ISM2: variants seen among roughly 807,000 people sequenced by gnomAD.
ISM2 encodes isthmin-2.
A neutral mutation model predicts 58.0 loss-of-function variants in ISM2; 50 were observed. The ratio of observed to expected loss-of-function variants is 0.86; its 90% CI spans 0.69 to 1.09. The LOEUF is 1.09. Among genes scored for constraint, ISM2 ranks in the 50% least tolerant of loss-of-function variants. The pLI is 0.00. For missense variants in ISM2, 723 were observed against 745.0 expected (o/e 0.97, Z 0.34); for synonymous variants, 303 against 312.4 (o/e 0.97, Z 0.32).
At chr14:77,478,745 T>G (rs1566753210) in intron 4 of ISM2, 30 bp from the exon 5 acceptor site, 3 of 1,594,406 alleles carry the variant, frequency 1.9e-6, no homozygotes, top group Non-Finnish European at 2.6e-6. Context: ...TGGGGGTGAG[T>G]GCATATAGCT....
intron 1 of ISM2, among the ~76,000 whole-genome samples, chr14:77,497,006 TCTCA>T (rs1032327941): frequency 4.0e-5 from 6 of 151,450 alleles, no homozygotes; most frequent in Admixed American, 6.6e-5. Context: ...GCTCTCACTC[TCTCA>T]CTCACTCACT....
intron 4 of ISM2, among the ~76,000 whole-genome samples, chr14:77,481,644 T>C (rs2079132588): frequency 6.6e-6 from 1 of 152,102 alleles, no homozygotes; most frequent in African/African-American, 2.4e-5. Flanking sequence ...GGAGTCAAAG[T>C]CACACACACA....
intron 1 of ISM2, among the ~76,000 whole-genome samples, chr14:77,492,694 TTTAA>T (rs1761515353): frequency 6.6e-6 from 1 of 152,024 alleles, no homozygotes; most frequent in Admixed American, 6.6e-5. Flanking sequence ...GCCTCTTTTA[TTTAA>T]TTAATTTATT....
Position 77,475,554 on chromosome 14 carries a change from G to A in ISM2, c.*41C>T, listed in dbSNP as rs762990002. On this transcript the variant is annotated 3_prime_UTR_variant, in exon 7 of 7. Transcript: ENST00000342219. This position sits in a 1 kb window ranked among gnomAD's most constrained non-coding sequence, Gnocchi z 4.1. ...GTTCTCCCGTGCAACAGCAGCAGCC[G>A]CCTGCCCTCTCCCTGCAGTGTCTGT... The A allele has an allele frequency of 8.0e-6, 12 of 1,508,420 alleles. No individual in the cohort carries two copies. Among genetic ancestry groups the A allele is most frequent in the Non-Finnish European group, 1.1e-5 (12 of 1,126,754 alleles). 93.4% of individuals were successfully genotyped at this position (1,508,420 alleles called of 1,614,324 possible).
intron 1 of ISM2, among the ~76,000 whole-genome samples, chr14:77,490,189 G>A (rs1309477537): frequency 1.3e-5 from 2 of 151,458 alleles, no homozygotes; most frequent in Admixed American, 6.6e-5. Flanking sequence ...AGTAGAGATG[G>A]GGTTTCACCA....
intron 1 of ISM2, among the ~76,000 whole-genome samples, chr14:77,487,775 G>A (rs1338572406): frequency 6.6e-6 from 1 of 152,158 alleles, no homozygotes; most frequent in Non-Finnish European, 1.5e-5. Flanking sequence ...GAGGGTAGGG[G>A]AGCGAGACAG....
intron 4 of ISM2, among the ~76,000 whole-genome samples, chr14:77,481,929 A>G (rs2079134515): frequency 1.3e-5 from 2 of 151,380 alleles, no homozygotes; most frequent in African/African-American, 4.8e-5. Flanking sequence ...GGGAGACCTC[A>G]TCACTACTAA....
Position 77,475,470 on chromosome 14 carries a change from A to T in ISM2, c.*125T>A. On this transcript the variant is annotated 3_prime_UTR_variant, in exon 7 of 7. Transcript: ENST00000342219. This position sits in a 1 kb window ranked among gnomAD's most constrained non-coding sequence, Gnocchi z 4.1. Reference sequence around the variant, plus strand: ...GCTGGCAGAGGGCACACAGCCTCGGACCAACCTCACTGGGGGAGCCCTTTC... The same window carrying T: ...GCTGGCAGAGGGCACACAGCCTCGGTCCAACCTCACTGGGGGAGCCCTTTC... 1 of 1,051,942 alleles carries T rather than the reference A, an allele frequency of 9.5e-7. No individual in the cohort carries two copies. Among genetic ancestry groups the T allele is most frequent in the Non-Finnish European group, 1.4e-6 (1 of 730,042 alleles). 65.2% of individuals were successfully genotyped at this position (1,051,942 alleles called of 1,614,324 possible).
intron 1 of ISM2, among the ~76,000 whole-genome samples, chr14:77,485,980 C>T (rs1316426321): frequency 6.6e-6 from 1 of 152,238 alleles, no homozygotes; most frequent in African/African-American, 2.4e-5. Flanking sequence ...ATTTATCAAA[C>T]ATTTCCACAG....
In ISM2 at chr14:77,482,335, A is replaced by C; in HGVS notation, c.960T>G (p.Asp320Glu). The C allele has an allele frequency of 6.2e-7, 1 of 1,612,954 alleles. No homozygotes were observed. The highest frequency in any genetic ancestry group is 8.5e-7 in the Non-Finnish European group (1 of 1,179,514). ...WLAPGDWVFK[D>E]SVSYDYEPQK... Reference sequence around the variant, plus strand: ...GGGGGTGCTCACCGTAGCTGACAGAATCCTTGAAGACCCAATCCCCGGGGG... The same window carrying C: ...GGGGGTGCTCACCGTAGCTGACAGACTCCTTGAAGACCCAATCCCCGGGGG... The change falls in exon 4 of 7, where the codon GAT (aspartate) becomes GAG (glutamate). Residue 320 changes from aspartate to glutamate, a missense_variant. Asp to Glu is a conservative substitution (Grantham distance 45). Transcript: ENST00000342219.
At position 77,482,617 on chromosome 14, in the gene ISM2, C is replaced by T. The variant is rs377621329; in HGVS notation, c.678G>A (p.Leu226=). 59 of 1,602,340 alleles carry T rather than the reference C, an allele frequency of 3.7e-5. No homozygotes were observed. The Middle Eastern group carries it at 6.6e-4, about 18-fold the overall frequency. Reference sequence around the variant, plus strand: ...GCGGGGGATTGCTGGGCTCAGCCAACAGGTCTATCGACACCTCGGCCTGGG... The same window carrying T: ...GCGGGGGATTGCTGGGCTCAGCCAATAGGTCTATCGACACCTCGGCCTGGG... ...EDPQAEVSID[L]LAEPSNPPPQ... Residue 226 remains leucine (L), a synonymous_variant, in exon 4 of 7, where the codon CTG becomes CTA. Transcript: ENST00000342219.
chr14:77,489,359 C>A (rs77854159), intron 1 of ISM2, among the ~76,000 whole-genome samples: 1 of 152,282 alleles, frequency 6.6e-6, no homozygotes, highest in East Asian at 1.9e-4. Flanking sequence ...GGAGACCCAG[C>A]ACACAACAGC....
At chr14:77,483,064 T>C (rs926455889) in intron 3 of ISM2, among the ~76,000 whole-genome samples, 4 of 152,198 alleles carry the variant, frequency 2.6e-5, no homozygotes, top group African/African-American at 7.2e-5. Flanking sequence ...TTCCTCATGG[T>C]AGGGCTGGAA....
intron 1 of ISM2, among the ~76,000 whole-genome samples, chr14:77,487,871 C>T (rs2079177891): frequency 6.6e-6 from 1 of 152,154 alleles, no homozygotes. Flanking sequence ...CCTCCGATAC[C>T]CCTCGAGCAG....
chr14:77,479,005 G>A (rs894246028), intron 4 of ISM2, among the ~76,000 whole-genome samples: 1 of 152,212 alleles, frequency 6.6e-6, no homozygotes, highest in Non-Finnish European at 1.5e-5. Context: ...CTAGGGCTGG[G>A]AGCTATCTGA....
intron 6 of ISM2, among the ~76,000 whole-genome samples, chr14:77,476,700 T>A (rs1474452770): frequency 6.6e-6 from 1 of 152,140 alleles, no homozygotes; most frequent in African/African-American, 2.4e-5. Context: ...ATAAATTATA[T>A]CCCTCAAAAC....
Position 77,475,407 on chromosome 14 carries a change from C to T in ISM2, c.*188G>A. On this transcript the variant is annotated 3_prime_UTR_variant, in exon 7 of 7. Coordinates refer to ENST00000342219, the MANE Select transcript of ISM2 (RefSeq NM_199296.3). This position sits in a 1 kb window ranked among gnomAD's most constrained non-coding sequence, Gnocchi z 4.1. ...CCCTGGGCCCTACATACCCTTCAAC[C>T]TTCTCACTAACCCCACTGAGATATC... 1.8e-6 allele frequency: 1 copy of T among 555,212 alleles called. No individual in the cohort carries two copies. Among genetic ancestry groups the T allele is most frequent in the Non-Finnish European group, 3.1e-6 (1 of 323,652 alleles). The allele number at this position is 555,212 out of a possible 1,614,324, so 34.4% of individuals were successfully genotyped here. A position where few individuals can be genotyped will look rare whatever the true frequency, so the allele number is the denominator to read the frequency against.
intron 1 of ISM2, among the ~76,000 whole-genome samples, chr14:77,485,289 TC>T (rs2079161128): frequency 6.6e-6 from 1 of 152,182 alleles, no homozygotes; most frequent in South Asian, 2.1e-4. Context: ...TGCCTCCCAC[TC>T]CCCAAGGCCC....
intron 6 of ISM2, 140 bp downstream of exon 6, chr14:77,478,102 G>T: frequency 2.8e-6 from 2 of 722,734 alleles, no homozygotes; most frequent in Non-Finnish European, 4.8e-6. Flanking sequence ...GCCCCCTGTT[G>T]GAGAAGCAAA....
Sources: allele counts gnomAD v4.1 joint callset (sites outside exome capture counted in the v4.1 genomes callset), GRCh38; gene constraint gnomAD v4.1.1; non-coding constraint Gnocchi (gnomAD v3.1); transcripts MANE v1.5; gene names NCBI Gene and HGNC (gene_info 2026-07-23, HGNC 2026-07-21).